PALM2AKAP2: variants seen among roughly 807,000 people sequenced by gnomAD.
PALM2AKAP2 encodes PALM2-AKAP2 fusion protein.
In PALM2AKAP2, 37 loss-of-function variants were observed where a neutral mutation model predicts 71.5. That is an observed-to-expected ratio of 0.52 (90% CI 0.40 to 0.68). PALM2AKAP2 has a LOEUF of 0.68. Among genes scored for constraint, PALM2AKAP2 ranks in the 30% least tolerant of loss-of-function variants. The probability of loss-of-function intolerance (pLI) is 0.00; values close to 1 mark genes in which losing one functional copy is unlikely to be tolerated. For missense variants in PALM2AKAP2, 1,224 were observed against 1,191.8 expected (o/e 1.03, Z -0.40); for synonymous variants, 468 against 478.8 (o/e 0.98, Z 0.29).
At chr9:109,656,913 A>G (rs1042141842) in intron 1 of PALM2AKAP2, among the ~76,000 whole-genome samples, 8 of 152,218 alleles carry the variant, frequency 5.3e-5, no homozygotes, top group African/African-American at 1.7e-4. Flanking sequence ...CTCTGGTCTC[A>G]CCATTATATT....
At chr9:109,703,806 T>A (rs1828100745) in intron 1 of PALM2AKAP2, among the ~76,000 whole-genome samples, 2 of 149,770 alleles carry the variant, frequency 1.3e-5, no homozygotes, top group Non-Finnish European at 3.0e-5. Context: ...AAAATTAACC[T>A]ACTTGAGAAT....
chr9:109,680,854 A>G lies in PALM2AKAP2; in HGVS notation c.5+39988A>G, dbSNP rs150871444. Among the ~76,000 whole-genome samples, 822 of 152,326 alleles carry G rather than the reference A, an allele frequency of 5.4e-3. 2 individuals are homozygous for G. The highest frequency in any genetic ancestry group is 8.3e-3 in the Non-Finnish European group (564 of 68,028). ...TTTGTTATCTACAATTGCAACTGAG[A>G]GAAATGCTAAAATTCCATTCGAGAT... On this transcript the variant is annotated intron_variant, in intron 1 of 6. Coordinates refer to the PALM2AKAP2 transcript ENST00000374531.
chr9:110,109,381 A>G (rs529947097), intron 1 of PALM2AKAP2, among the ~76,000 whole-genome samples: 1 of 150,976 alleles, frequency 6.6e-6, no homozygotes, highest in East Asian at 1.9e-4. Context: ...GAAAAACTTC[A>G]GAAGCCTTCT....
chr9:109,769,428 T>C (rs1364296365), intron 1 of PALM2AKAP2, among the ~76,000 whole-genome samples: 2 of 152,350 alleles, frequency 1.3e-5, no homozygotes, highest in Middle Eastern at 3.4e-3. Flanking sequence ...GAAGGGCTGC[T>C]TCCTCCTTAT....
At chr9:109,901,166 C>G (rs1359423506) in intron 3 of PALM2AKAP2, among the ~76,000 whole-genome samples, 1 of 152,166 alleles carries the variant, frequency 6.6e-6, no homozygotes, top group Non-Finnish European at 1.5e-5. Context: ...AGAACTGGAC[C>G]TGAGTTACTG....
intron 1 of PALM2AKAP2, among the ~76,000 whole-genome samples, chr9:109,747,634 A>G (rs4526429): frequency 0.043 from 6,508 of 152,178 alleles, 191 homozygotes; most frequent in Non-Finnish European, 0.053. Flanking sequence ...CATGAAGTAA[A>G]GTTCTTCTCA....
intron 6 of PALM2AKAP2, among the ~76,000 whole-genome samples, chr9:109,969,117 T>C (rs1013004898): frequency 4.1e-4 from 49 of 120,762 alleles, no homozygotes; most frequent in African/African-American, 1.3e-3. Context: ...CACACACGAC[T>C]CCCAGAAAGG....
At chr9:109,649,679 T>C (rs1827199764) in intron 1 of PALM2AKAP2, among the ~76,000 whole-genome samples, 1 of 152,224 alleles carries the variant, frequency 6.6e-6, no homozygotes, top group Non-Finnish European at 1.5e-5. Flanking sequence ...TGGCTTTGCA[T>C]TTATTATCCA....
chr9:110,042,837 A>C (rs1360367331), intron 7 of PALM2AKAP2, among the ~76,000 whole-genome samples: 3 of 152,210 alleles, frequency 2.0e-5, no homozygotes, highest in African/African-American at 7.2e-5. Context: ...CATGTAATGT[A>C]TAAATAATTA....
chr9:109,687,957 A>T (rs7857856), intron 1 of PALM2AKAP2, among the ~76,000 whole-genome samples: 26,506 of 152,026 alleles, frequency 0.17, 2,379 homozygotes, highest in East Asian at 0.28. Context: ...GCTTAAGGAG[A>T]GGGAGAGAGA....
intron 1 of PALM2AKAP2, among the ~76,000 whole-genome samples, chr9:109,658,026 A>G (rs1020696333): frequency 6.6e-6 from 1 of 151,546 alleles, no homozygotes; most frequent in African/African-American, 2.4e-5. Flanking sequence ...GAGGAGGCCA[A>G]AGTATTTTGG....
chr9:109,770,874 G>T (rs1829249596), intron 1 of PALM2AKAP2, among the ~76,000 whole-genome samples: 1 of 152,210 alleles, frequency 6.6e-6, no homozygotes, highest in African/African-American at 2.4e-5. Context: ...CAGGAGCTTT[G>T]TATACATTAT....
chr9:109,796,607 C>T (rs1260369836), intron 1 of PALM2AKAP2, among the ~76,000 whole-genome samples: 1 of 152,200 alleles, frequency 6.6e-6, no homozygotes, highest in Non-Finnish European at 1.5e-5. Context: ...AATTGATTCA[C>T]AGTTCTGCAT....
intron 1 of PALM2AKAP2, among the ~76,000 whole-genome samples, chr9:110,052,714 T>G (rs544782795): frequency 9.2e-4 from 140 of 152,370 alleles, no homozygotes; most frequent in African/African-American, 3.3e-3. Flanking sequence ...TAACCCCTGG[T>G]TAGCTATTCC....
intron 1 of PALM2AKAP2, among the ~76,000 whole-genome samples, chr9:109,796,361 AG>A (rs1827252752): frequency 6.6e-6 from 1 of 152,226 alleles, no homozygotes; most frequent in Non-Finnish European, 1.5e-5. Context: ...ATATTAGAAA[AG>A]TTAAAGATAA....
intron 1 of PALM2AKAP2, among the ~76,000 whole-genome samples, chr9:110,119,420 T>G (rs138213565): frequency 1.3e-5 from 2 of 152,254 alleles, no homozygotes; most frequent in African/African-American, 4.8e-5. Flanking sequence ...TCTTTTATTA[T>G]TGCAAAGATT....
chr9:110,170,630 C>T (rs1431464777), exon 4 of PALM2AKAP2: 2 of 152,174 alleles, frequency 1.3e-5, no homozygotes, highest in South Asian at 2.1e-4. Context: ...AATGAATTCT[C>T]AACAAAATGT....
chr9:109,698,202 T>C (rs996972398), intron 1 of PALM2AKAP2, among the ~76,000 whole-genome samples: 1 of 152,070 alleles, frequency 6.6e-6, no homozygotes. Flanking sequence ...CATCTCTCAC[T>C]GTCCATTTCA....
intron 1 of PALM2AKAP2, among the ~76,000 whole-genome samples, chr9:109,649,054 G>A (rs975187941): frequency 7.9e-5 from 12 of 151,324 alleles, no homozygotes; most frequent in African/African-American, 2.9e-4. Flanking sequence ...TCCCACTCCT[G>A]CAATTTTTTT....
Sources: allele counts gnomAD v4.1 joint callset (sites outside exome capture counted in the v4.1 genomes callset), GRCh38; gene constraint gnomAD v4.1.1; transcripts MANE v1.5; gene names NCBI Gene and HGNC (gene_info 2026-07-23, HGNC 2026-07-21).